The following VIPR1 variants were observed in gnomAD, a reference collection of about 807,000 sequenced individuals.
The protein encoded by VIPR1 is vasoactive intestinal polypeptide receptor 1.
Under a neutral mutation model 58.8 loss-of-function variants are expected in VIPR1, and 59 were observed. The ratio of observed to expected loss-of-function variants is 1.00; its 90% CI spans 0.81 to 1.25. The LOEUF (loss-of-function observed/expected upper bound fraction) is 1.25. Among genes scored for constraint, VIPR1 ranks in the 50% most tolerant of loss-of-function variants. The pLI is 0.00. For missense variants in VIPR1, 626 were observed against 602.7 expected (o/e 1.04, Z -0.40); for synonymous variants, 251 against 242.1 (o/e 1.04, Z -0.34).
intron 3 of VIPR1, 39 bp downstream of exon 3, chr3:42,519,369 C>T (rs748234807): frequency 7.8e-6 from 12 of 1,536,860 alleles, no homozygotes; most frequent in Admixed American, 3.9e-5. Flanking sequence ...TGAGTGGGGC[C>T]GGCTGGAGTG....
chr3:42,525,626 T>A (rs891516797), intron 3 of VIPR1, among the ~76,000 whole-genome samples: 7 of 152,026 alleles, frequency 4.6e-5, no homozygotes, highest in Non-Finnish European at 1.0e-4. Context: ...GTACTTGGGG[T>A]CAGGTTCAGA....
Position 42,527,409 on chromosome 3 carries a change from A to T in VIPR1, c.416A>T (p.Tyr139Phe), listed in dbSNP as rs764065306. Residue 139 changes from tyrosine (Y) to phenylalanine (F), a missense_variant, in exon 5 of 13, where the codon TAC (tyrosine) becomes TTC (phenylalanine). Tyr to Phe is a conservative substitution (Grantham distance 22, BLOSUM62 3). Coordinates refer to ENST00000325123, the MANE Select transcript of VIPR1 (RefSeq NM_004624.4). ...ASLDEQQTMF[Y>F]GSVKTGYTIG... ...CTCCAACAGCAGCAGACCATGTTCT[A>T]CGGTTCTGTGAAGACCGGCTACACC... The T allele has an allele frequency of 6.2e-7, 1 of 1,613,328 alleles. No individual in the cohort carries two copies. Among genetic ancestry groups the T allele is most frequent in the African/African-American group, 1.3e-5 (1 of 74,662 alleles).
At chr3:42,499,019 C>T (rs939574619), upstream of VIPR1, among the ~76,000 whole-genome samples, 52 of 152,208 alleles carry the variant, frequency 3.4e-4, no homozygotes, top group East Asian at 1.3e-3. Context: ...TCCATGTTGC[C>T]AGAGCTACCA....
chr3:42,529,464 C>CA (rs71616050), intron 6 of VIPR1: 27,793 of 75,266 alleles, frequency 0.37, 5,244 homozygotes, highest in Middle Eastern at 0.49. Flanking sequence ...GACTCCATCT[C>CA]AAAAAAAAAA....
intron 1 of VIPR1, chr3:42,507,986 G>A (rs1006494612): frequency 5.2e-5 from 7 of 134,628 alleles, no homozygotes; most frequent in East Asian, 3.0e-4. Context: ...AATTTGCAGC[G>A]GGGAGGCTTT....
chr3:42,508,466 A>C (rs2125637471), intron 1 of VIPR1, among the ~76,000 whole-genome samples: 1 of 152,164 alleles, frequency 6.6e-6, no homozygotes, highest in African/African-American at 2.4e-5. Flanking sequence ...CTGCGCTGGG[A>C]CTTTAGATAT....
chr3:42,502,899 G>T (rs1281708026), intron 1 of VIPR1, 86 bp downstream of exon 1: 1 of 1,031,894 alleles, frequency 9.7e-7, no homozygotes, highest in East Asian at 3.3e-5. Context: ...GAGCCGGGCC[G>T]TCTGTGCGCG....
chr3:42,504,483 C>T (rs1700015652), intron 1 of VIPR1, among the ~76,000 whole-genome samples: 1 of 152,134 alleles, frequency 6.6e-6, no homozygotes, highest in South Asian at 2.1e-4. Context: ...CCCCTCTAAC[C>T]CCACCCTTCA....
upstream of VIPR1, among the ~76,000 whole-genome samples, chr3:42,498,182 A>G (rs1489609435): frequency 3.3e-5 from 5 of 152,134 alleles, no homozygotes; most frequent in African/African-American, 4.8e-5. Flanking sequence ...AGAGCTTGCC[A>G]CTCAACTGTG....
chr3:42,534,697 T>A (rs1701749577), intron 10 of VIPR1: 2 of 304,466 alleles, frequency 6.6e-6, no homozygotes, highest in South Asian at 8.9e-5. Flanking sequence ...CCTTTACCTC[T>A]TACCCTCTCT....
chr3:42,503,100 G>A (rs567354540), intron 1 of VIPR1, among the ~76,000 whole-genome samples: 2 of 152,274 alleles, frequency 1.3e-5, no homozygotes, highest in South Asian at 4.1e-4. Flanking sequence ...TCCTTGTCGT[G>A]GTTGTGGGTG....
rs552559629 is a variant in VIPR1 at position 42,512,428 on chromosome 3, C to T, written c.79-1321C>T. On this transcript the variant is annotated intron_variant, in intron 1 of 12. Coordinates refer to ENST00000325123, the MANE Select transcript of VIPR1 (RefSeq NM_004624.4). ...ATTGCTGGCTGCCAGCTGGGATGCACATCCCAGTAAATGGAGCTGATTTAC... is the reference window on the plus strand; with the variant it reads ...ATTGCTGGCTGCCAGCTGGGATGCATATCCCAGTAAATGGAGCTGATTTAC... 4 of 152,344 alleles carry T rather than the reference C, an allele frequency of 2.6e-5. No individual in the cohort carries two copies. The East Asian group carries it at 7.7e-4, about 29-fold the overall frequency. 9.4% of individuals were successfully genotyped at this position (152,344 alleles called of 1,614,324 possible). A position where few individuals can be genotyped will look rare whatever the true frequency, so the allele number is the denominator to read the frequency against.
intron 12 of VIPR1, 100 bp downstream of exon 12, chr3:42,535,484 C>T (rs1577262988): frequency 7.6e-7 from 1 of 1,315,224 alleles, no homozygotes; most frequent in African/African-American, 1.5e-5. Context: ...CGGGTTAAAC[C>T]TTGCTGCTCC....
intron 1 of VIPR1, among the ~76,000 whole-genome samples, chr3:42,489,914 TAC>T (rs892042305): frequency 1.3e-5 from 2 of 151,972 alleles, no homozygotes; most frequent in African/African-American, 4.8e-5. Context: ...CACCATAGGT[TAC>T]ACACACACAC....
intron 3 of VIPR1, among the ~76,000 whole-genome samples, chr3:42,525,416 T>C (rs1379379508): frequency 8.2e-6 from 1 of 121,440 alleles, no homozygotes; most frequent in Non-Finnish European, 1.6e-5. Context: ...CAGCAGCACA[T>C]CTAAGCCCTT....
chr3:42,529,021 T>C (rs1701386027), intron 6 of VIPR1, among the ~76,000 whole-genome samples: 1 of 152,158 alleles, frequency 6.6e-6, no homozygotes, highest in African/African-American at 2.4e-5. Flanking sequence ...GACATGAGCA[T>C]TGTGAGCCAC....
intron 7 of VIPR1, 75 bp from the exon 8 acceptor site, chr3:42,531,395 CA>C: frequency 6.7e-7 from 1 of 1,483,950 alleles, no homozygotes; most frequent in Non-Finnish European, 9.2e-7. Flanking sequence ...TGCTTTTCTC[CA>C]AAATCTCTCC....
Position 42,502,782 on chromosome 3 carries a change from C to T in VIPR1, c.47C>T (p.Ala16Val). The stretch of plus-strand genomic sequence containing the variant: ...CCCGCCCGCTGGCTATGCGTGCTGG[C>T]AGGCGCCCTCGCCTGGGCCCTTGGG... ...PLPARWLCVL[A>V]GALAWALGPA... The change falls in exon 1 of 13, where the codon GCA becomes GTA. Residue 16 changes from alanine to valine, a missense_variant. Ala to Val is a moderately conservative substitution (Grantham distance 64). Coordinates refer to ENST00000325123, the MANE Select transcript of VIPR1 (RefSeq NM_004624.4). The T allele has an allele frequency of 7.8e-7, 1 of 1,288,056 alleles. No individual in the cohort carries two copies. Among genetic ancestry groups the T allele is most frequent in the Non-Finnish European group, 9.8e-7 (1 of 1,019,566 alleles). The allele number at this position is 1,288,056 out of a possible 1,614,324, so 79.8% of individuals were successfully genotyped here.
chr3:42,500,426 T>A (rs1699845000), upstream of VIPR1: 1 of 152,194 alleles, frequency 6.6e-6, no homozygotes, highest in Non-Finnish European at 1.5e-5. Context: ...AAGAACCTTG[T>A]CCTCCAGGAG....
Sources: gnomAD v4.1 joint callset for allele counts (sites outside exome capture counted in the v4.1 genomes callset) on GRCh38, gnomAD v4.1.1 for gene constraint, MANE v1.5 for transcripts, NCBI Gene and HGNC (gene_info 2026-07-23, HGNC 2026-07-21) for gene names.